EFCAB10: variants seen among roughly 807,000 people sequenced by gnomAD.
The protein encoded by EFCAB10 is EF-hand calcium binding domain 10.
Under a neutral mutation model 7.7 loss-of-function variants are expected in EFCAB10, and 7 were observed. The observed-to-expected ratio is 0.91, with a 90% CI of 0.52 to 1.72. The LOEUF is 1.72. Ranked by LOEUF, EFCAB10 falls within the 40% of genes most tolerant of loss-of-function variation. The probability of loss-of-function intolerance (pLI) is 0.00; values close to 1 mark genes in which losing one functional copy is unlikely to be tolerated. For missense variants in EFCAB10, 112 were observed against 61.5 expected, an observed-to-expected ratio of 1.82 and a Z score of -2.74; for synonymous variants, 52 against 21.0, an observed-to-expected ratio of 2.47 and a Z score of -4.03.
chr7:105,571,034 A>T (rs1344341529), intron 1 of EFCAB10: 3 of 152,160 alleles, frequency 2.0e-5, no homozygotes, highest in Non-Finnish European at 4.4e-5. Context: ...CAAAAAAAAA[A>T]AAATTTTTTT....
chr7:105,572,343 T>A (rs1299054196), intron 1 of EFCAB10: 3 of 152,246 alleles, frequency 2.0e-5, no homozygotes, highest in Non-Finnish European at 4.4e-5. Context: ...TCTAGGTTCA[T>A]CCATGTTGTT....
intron 1 of EFCAB10, among the ~76,000 whole-genome samples, chr7:105,574,135 T>C (rs1792011685): frequency 6.7e-6 from 1 of 148,174 alleles, no homozygotes; most frequent in East Asian, 2.0e-4. Context: ...TATATATATA[T>C]ATATATATAT....
chr7:105,569,803 T>A (rs942652291), intron 1 of EFCAB10, among the ~76,000 whole-genome samples: 3 of 152,060 alleles, frequency 2.0e-5, no homozygotes, highest in Non-Finnish European at 4.4e-5. Context: ...CTATAGAGAC[T>A]GGACCTGGGC....
chr7:105,571,983 C>T (rs1402732409), intron 1 of EFCAB10: 1 of 152,106 alleles, frequency 6.6e-6, no homozygotes, highest in Non-Finnish European at 1.5e-5. Flanking sequence ...TTTGATAGAG[C>T]TTATGTTGAG....
intron 4 of EFCAB10, among the ~76,000 whole-genome samples, chr7:105,566,147 G>C (rs762494686): frequency 4.0e-5 from 6 of 151,566 alleles, no homozygotes; most frequent in Non-Finnish European, 7.4e-5. Flanking sequence ...GCCTGGTGGC[G>C]GGCACCTGTA....
intron 1 of EFCAB10, chr7:105,573,365 C>A (rs1341588659): frequency 1.3e-5 from 2 of 152,206 alleles, no homozygotes; most frequent in African/African-American, 4.8e-5. Context: ...CAACTCACTA[C>A]ATTTCATTTT....
chr7:105,578,970 A>G (rs1237737170), intron 1 of EFCAB10, among the ~76,000 whole-genome samples: 4 of 152,066 alleles, frequency 2.6e-5, no homozygotes, highest in Admixed American at 2.6e-4. Flanking sequence ...ATGGGGTTTC[A>G]CCATGTTGGC....
chr7:105,570,903 T>C (rs765991407), intron 1 of EFCAB10, among the ~76,000 whole-genome samples: 13 of 151,990 alleles, frequency 8.6e-5, no homozygotes, highest in Non-Finnish European at 1.3e-4. Flanking sequence ...CGGGTGCCTG[T>C]AGTCCCAGCT....
At chr7:105,569,950 T>C (rs1468266912) in intron 1 of EFCAB10, among the ~76,000 whole-genome samples, 4 of 151,762 alleles carry the variant, frequency 2.6e-5, no homozygotes, top group Non-Finnish European at 5.9e-5. Context: ...AGGCTGGGCA[T>C]GGTGGTTCAT....
At chr7:105,574,939 A>T (rs1792038739) in intron 1 of EFCAB10, among the ~76,000 whole-genome samples, 1 of 138,138 alleles carries the variant, frequency 7.2e-6, no homozygotes. Flanking sequence ...CTACTTAAAA[A>T]AAAAAAAAAA....
chr7:105,579,258 C>G (rs78727204), intron 1 of EFCAB10, among the ~76,000 whole-genome samples: 110 of 152,144 alleles, frequency 7.2e-4, no homozygotes, highest in South Asian at 3.3e-3. Flanking sequence ...ACTAGAAAGG[C>G]GAGGAGTCGT....
chr7:105,581,218 GA>G, intron 1 of EFCAB10, 139 bp downstream of exon 1: 2 of 601,206 alleles, frequency 3.3e-6, no homozygotes, highest in East Asian at 2.8e-5. Flanking sequence ...GACTTTTATT[GA>G]AGGCCGCAGA....
chr7:105,570,886 G>A (rs1017138423), intron 1 of EFCAB10, among the ~76,000 whole-genome samples: 2 of 152,074 alleles, frequency 1.3e-5, no homozygotes, highest in Non-Finnish European at 2.9e-5. Flanking sequence ...TTAGCCGGGC[G>A]TGGTGACGGG....
At chr7:105,578,359 T>G (rs1406592112) in intron 1 of EFCAB10, among the ~76,000 whole-genome samples, 1 of 152,212 alleles carries the variant, frequency 6.6e-6, no homozygotes, top group African/African-American at 2.4e-5. Flanking sequence ...TGCATTCTTC[T>G]GATAAAAATT....
chr7:105,569,246 C>T lies in EFCAB10; in HGVS notation c.316G>A (p.Asp106Asn), dbSNP rs1246044962. The T allele has an allele frequency of 2.8e-6, 2 of 702,214 alleles. No individual in the cohort carries two copies. Among genetic ancestry groups the T allele is most frequent in the African/African-American group, 3.5e-5 (2 of 57,368 alleles). The allele number at this position is 702,214 out of a possible 1,614,324, so 43.5% of individuals were successfully genotyped here. Residue 106 changes from aspartate to asparagine, a missense_variant, in exon 3 of 5, where the codon GAT (aspartate) becomes AAT (asparagine). By Grantham distance (23) the Asp-to-Asn change is conservative. Transcript: ENST00000480514. ...GLCTEDEDLQ[D>N]DGHKITLDKF... ...TCCAAAGTTATTTTATGTCCATCAT[C>T]TTGTAAATCTTCATCTTCAGTGCAT...
chr7:105,571,256 T>C (rs2133517415), intron 1 of EFCAB10: 1 of 152,300 alleles, frequency 6.6e-6, no homozygotes, highest in South Asian at 2.1e-4. Context: ...ACCATCTCAG[T>C]TGGTTCATTT....
intron 1 of EFCAB10, among the ~76,000 whole-genome samples, chr7:105,578,848 C>T (rs1435396066): frequency 1.3e-5 from 2 of 152,222 alleles, no homozygotes; most frequent in Non-Finnish European, 2.9e-5. Context: ...TCTCAGCTCA[C>T]TGTAACCTCT....
intron 1 of EFCAB10, chr7:105,573,721 T>A (rs934965029): frequency 6.6e-6 from 1 of 152,216 alleles, no homozygotes; most frequent in Non-Finnish European, 1.5e-5. Flanking sequence ...ACTATATGCC[T>A]GGTACTGTGT....
At chr7:105,568,838 C>A (rs1012406709) in intron 3 of EFCAB10, among the ~76,000 whole-genome samples, 1 of 151,808 alleles carries the variant, frequency 6.6e-6, no homozygotes, top group Non-Finnish European at 1.5e-5. Context: ...GTAAGCCCAG[C>A]TACTGGGAAG....
Sources: allele counts gnomAD v4.1 joint callset (sites outside exome capture counted in the v4.1 genomes callset), GRCh38; gene constraint gnomAD v4.1.1; transcripts MANE v1.5; gene names NCBI Gene and HGNC (gene_info 2026-07-23, HGNC 2026-07-21).